CBFA2T3: variants seen among roughly 807,000 people sequenced by gnomAD.
CBFA2T3 encodes the protein CBFA2/RUNX1 partner transcriptional co-repressor 3.
Under a neutral mutation model 58.6 loss-of-function variants are expected in CBFA2T3, and 31 were observed. The ratio of observed to expected loss-of-function variants is 0.53; its 90% CI spans 0.40 to 0.71. The LOEUF (loss-of-function observed/expected upper bound fraction) is 0.71. CBFA2T3 is among the 30% of genes least tolerant of loss of function. CBFA2T3 has a pLI of 0.00. For missense variants in CBFA2T3, 1,076 were observed against 963.1 expected (o/e 1.12, Z -1.55); for synonymous variants, 531 against 421.9 (o/e 1.26, Z -3.17).
rs936079912 is a variant in CBFA2T3 at position 88,881,582 on chromosome 16, T to A, written c.1204-93A>T. The A allele has an allele frequency of 5.8e-5, 78 of 1,334,830 alleles. No individual in the cohort carries two copies. In the African/African-American group the frequency reaches 1.1e-3, roughly 19 times the overall value. 82.7% of individuals were successfully genotyped at this position (1,334,830 alleles called of 1,614,324 possible). On this transcript the variant is annotated intron_variant, in intron 8 of 11. Transcript: ENST00000268679. ...CACTCGGCCAGAGCCCCGGACAGGA[T>A]GGGTGCCCGACCAGCCCACCGCCCG... is the stretch of plus-strand genomic sequence containing the variant.
intron 3 of CBFA2T3, among the ~76,000 whole-genome samples, chr16:88,894,791 C>A (rs1262993573): frequency 6.6e-6 from 1 of 152,264 alleles, no homozygotes; most frequent in Non-Finnish European, 1.5e-5. Flanking sequence ...AGGCCCCAGC[C>A]GTGTGTTCGC....
chr16:88,949,129 G>A (rs1373736369), intron 1 of CBFA2T3, among the ~76,000 whole-genome samples: 1 of 152,216 alleles, frequency 6.6e-6, no homozygotes, highest in Non-Finnish European at 1.5e-5. Flanking sequence ...GAAAAAAGCA[G>A]AGCAATTTAT....
At chr16:88,887,848 G>A (rs1020034513) in intron 5 of CBFA2T3, among the ~76,000 whole-genome samples, 3 of 152,176 alleles carry the variant, frequency 2.0e-5, no homozygotes, top group African/African-American at 7.2e-5. Flanking sequence ...GCACAGATGG[G>A]CGCTCAGGCT....
chr16:88,900,987 G>A (rs928228419), intron 2 of CBFA2T3, among the ~76,000 whole-genome samples: 1 of 152,258 alleles, frequency 6.6e-6, no homozygotes, highest in East Asian at 1.9e-4. Flanking sequence ...GCTCAGCCGG[G>A]CTGTGGAGCT....
In CBFA2T3 at chr16:88,898,184, G is replaced by A. The variant is rs781746831; in HGVS notation, c.305-32C>T. ...GCAAAATAAGAAGAACACGCTGTCA[G>A]GAGGGGCGTGGGCAGGAGACTCTGC... On this transcript the variant is annotated intron_variant, in intron 2 of 11. Transcript: ENST00000268679. The A allele has an allele frequency of 8.5e-6, 13 of 1,537,712 alleles. No homozygotes were observed. In the African/African-American group the frequency reaches 1.2e-4, roughly 14 times the overall value.
chr16:88,904,670 C>T (rs533322819), intron 1 of CBFA2T3, among the ~76,000 whole-genome samples: 102 of 152,134 alleles, frequency 6.7e-4, no homozygotes, highest in African/African-American at 2.2e-3. Flanking sequence ...GGCCCCACCC[C>T]GGGTTGTGCG....
intron 3 of CBFA2T3, 58 bp from the exon 4 acceptor site, chr16:88,892,543 C>G: frequency 3.1e-6 from 5 of 1,597,266 alleles, no homozygotes; most frequent in Non-Finnish European, 4.3e-6. Context: ...ACAACCCAGA[C>G]GGCGGCGACA....
rs372727093 is a variant in CBFA2T3, at chr16:88,916,897, G to T, written c.152-15241C>A. Among the ~76,000 whole-genome samples the T allele has an allele frequency of 9.9e-5, 15 of 151,852 alleles. No homozygotes were observed. In the East Asian group the frequency reaches 1.2e-3, roughly 12 times the overall value. ...AGGGGCCAACAGAGGGGAGGGCAGG[G>T]TCTCGAACGTTGTATCAGTTACTAG... is the stretch of plus-strand genomic sequence containing the variant. On this transcript the variant is annotated intron_variant, in intron 1 of 11. Coordinates refer to ENST00000268679, the MANE Select transcript of CBFA2T3 (RefSeq NM_005187.6).
At chr16:88,969,191 G>C (rs750082787) in intron 1 of CBFA2T3, among the ~76,000 whole-genome samples, 4 of 152,224 alleles carry the variant, frequency 2.6e-5, no homozygotes, top group African/African-American at 9.6e-5. Context: ...CAGCGGACAC[G>C]GCTGGAGGGA....
chr16:88,924,110 G>C (rs922428993), intron 1 of CBFA2T3, among the ~76,000 whole-genome samples: 37 of 151,640 alleles, frequency 2.4e-4, no homozygotes, highest in African/African-American at 8.3e-4. Flanking sequence ...TGGGAGGGCC[G>C]CGCCTGCTGG....
chr16:88,938,243 C>G (rs1291827562), intron 1 of CBFA2T3: 1 of 152,350 alleles, frequency 6.6e-6, no homozygotes, highest in Non-Finnish European at 1.5e-5. Flanking sequence ...CCTCAGCCAC[C>G]AGATCCCCCA....
intron 1 of CBFA2T3, among the ~76,000 whole-genome samples, chr16:88,906,240 G>A (rs570651800): frequency 3.9e-5 from 6 of 152,178 alleles, no homozygotes; most frequent in Admixed American, 3.3e-4. Flanking sequence ...GGGCAGCCTC[G>A]TCCTTCCTAG....
At chr16:88,944,965 C>T (rs533098180) in intron 1 of CBFA2T3, among the ~76,000 whole-genome samples, 2 of 152,228 alleles carry the variant, frequency 1.3e-5, no homozygotes, top group African/African-American at 4.8e-5. Context: ...GCCAGGCCAG[C>T]GTGGTCCAGC....
At chr16:88,948,492 T>TC (rs1317217463) in intron 1 of CBFA2T3, among the ~76,000 whole-genome samples, 1 of 152,144 alleles carries the variant, frequency 6.6e-6, no homozygotes, top group Non-Finnish European at 1.5e-5. Context: ...TGACGCGGCT[T>TC]CAAGTTGCCC....
At chr16:88,892,167 A>G (rs1969660822) in intron 4 of CBFA2T3, 77 bp downstream of exon 4, 1 of 1,525,672 alleles carries the variant, frequency 6.6e-7, no homozygotes, top group Non-Finnish European at 8.9e-7. Flanking sequence ...CCATGTAAGG[A>G]GTGGCCGTGG....
intron 5 of CBFA2T3, among the ~76,000 whole-genome samples, chr16:88,888,755 G>A (rs1242610694): frequency 3.3e-5 from 5 of 151,720 alleles, no homozygotes; most frequent in East Asian, 3.9e-4. Flanking sequence ...CCCTAGAAGC[G>A]CCATGTCAGA....
At chr16:88,909,003 T>C (rs1453133432) in intron 1 of CBFA2T3, among the ~76,000 whole-genome samples, 2 of 152,030 alleles carry the variant, frequency 1.3e-5, no homozygotes, top group East Asian at 1.9e-4. Flanking sequence ...GTTTGGAATA[T>C]GCTCCCGGGG....
At position 88,954,362 on chromosome 16, in the gene CBFA2T3, C is replaced by CCCCAG. The variant is rs1567632781; in HGVS notation, c.151+22294_151+22295insCTGGG. Among the ~76,000 whole-genome samples, 37 of 135,988 alleles carry CCCCAG rather than the reference C, an allele frequency of 2.7e-4. 2 individuals are homozygous for CCCCAG. The highest frequency in any genetic ancestry group is 1.1e-3 in the African/African-American group (36 of 32,070). 89.2% of individuals were successfully genotyped at this position (135,988 alleles called of 152,430 possible). On this transcript the variant is annotated intron_variant, in intron 1 of 11. Transcript: ENST00000268679. Reference sequence around the variant, plus strand: ...ACCCCAGCCAAGGCTCCTGACCTCACCCAAGGCTCCTGACCCCACCCAAGA... The same window carrying CCCCAG: ...ACCCCAGCCAAGGCTCCTGACCTCACCCCAGCCAAGGCTCCTGACCCCACCCAAGA...
At chr16:88,892,131 T>TC (rs1969659051) in intron 4 of CBFA2T3, 113 bp downstream of exon 4, 2 of 1,434,010 alleles carry the variant, frequency 1.4e-6, no homozygotes, top group African/African-American at 2.8e-5. Flanking sequence ...TGGGAGCGGG[T>TC]CCACGCCCGG....
Sources: gnomAD v4.1 joint callset for allele counts (sites outside exome capture counted in the v4.1 genomes callset) on GRCh38, gnomAD v4.1.1 for gene constraint, MANE v1.5 for transcripts, NCBI Gene and HGNC (gene_info 2026-07-23, HGNC 2026-07-21) for gene names.